The following ATG7 variants were observed in gnomAD, a reference collection of about 807,000 sequenced individuals.
ATG7 encodes autophagy related 7.
A neutral mutation model predicts 82.4 loss-of-function variants in ATG7; 70 were observed. The observed-to-expected ratio is 0.85, with a 90% CI of 0.70 to 1.04. The LOEUF is 1.04. Among genes scored for constraint, ATG7 ranks in the 50% least tolerant of loss-of-function variants. The pLI, the probability that ATG7 is intolerant of heterozygous loss-of-function variation, is 0.00. For synonymous variants in ATG7, 287 were observed against 313.0 expected (o/e 0.92, Z 0.88); for missense variants, 792 against 864.3 (o/e 0.92, Z 1.05).
At chr3:11,515,885 G>C (rs2092263256) in intron 20 of ATG7, among the ~76,000 whole-genome samples, 1 of 152,122 alleles carries the variant, frequency 6.6e-6, no homozygotes, top group South Asian at 2.1e-4. Context: ...TGTGGGGCTT[G>C]AAGCCAGCAT....
chr3:11,513,295 G>T (rs564320549), intron 20 of ATG7, among the ~76,000 whole-genome samples: 1 of 152,376 alleles, frequency 6.6e-6, no homozygotes, highest in South Asian at 2.1e-4. Context: ...GTGGAGCAGG[G>T]GGCGGTGCTC....
chr3:11,471,270 C>T (rs2087485313), intron 20 of ATG7, among the ~76,000 whole-genome samples: 1 of 152,156 alleles, frequency 6.6e-6, no homozygotes. Context: ...CAAGCTGGCC[C>T]TGGCGCTCTG....
intron 19 of ATG7, among the ~76,000 whole-genome samples, chr3:11,396,021 A>G (rs1437272856): frequency 6.6e-6 from 1 of 151,598 alleles, no homozygotes; most frequent in Non-Finnish European, 1.5e-5. Flanking sequence ...ATAGACAAGA[A>G]CAGAGTCCAC....
chr3:11,553,868 C>T (rs1559834256), intron 20 of ATG7, among the ~76,000 whole-genome samples: 1 of 152,338 alleles, frequency 6.6e-6, no homozygotes, highest in Middle Eastern at 3.4e-3. Context: ...CCCATCTCCC[C>T]GGGCCAGCCT....
At chr3:11,562,390 CCA>C (rs1043448393), downstream of ATG7, among the ~76,000 whole-genome samples, 8 of 152,140 alleles carry the variant, frequency 5.3e-5, no homozygotes, top group African/African-American at 1.9e-4. Context: ...ACATTTTCTG[CCA>C]CACAGAGGAA....
intron 20 of ATG7, among the ~76,000 whole-genome samples, chr3:11,530,277 A>G (rs2124972061): frequency 6.6e-6 from 1 of 152,302 alleles, no homozygotes; most frequent in African/African-American, 2.4e-5. Flanking sequence ...GCATGCTCTC[A>G]GAGGAAAGCA....
chr3:11,547,738 T>C (rs1415324847), intron 20 of ATG7, among the ~76,000 whole-genome samples: 1 of 152,276 alleles, frequency 6.6e-6, no homozygotes, highest in African/African-American at 2.4e-5. Flanking sequence ...TGGTAGCTTA[T>C]GGTTTTGATT....
intron 13 of ATG7, 123 bp from the exon 14 acceptor site, chr3:11,347,754 G>T: frequency 9.4e-7 from 1 of 1,058,398 alleles, no homozygotes; most frequent in Non-Finnish European, 1.3e-6. Context: ...TTCAGTTTCT[G>T]AAGTTTCTTG....
chr3:11,508,708 C>G (rs1235860992), intron 20 of ATG7, among the ~76,000 whole-genome samples: 1 of 152,212 alleles, frequency 6.6e-6, no homozygotes, highest in Non-Finnish European at 1.5e-5. Context: ...ATCTTGCTTT[C>G]CCAAAGCGCT....
At chr3:11,340,766 G>A (rs1434540685) in intron 12 of ATG7, 31 bp downstream of exon 12, 1 of 1,595,666 alleles carries the variant, frequency 6.3e-7, no homozygotes, top group Non-Finnish European at 8.6e-7. Flanking sequence ...TCTCCAGTCG[G>A]GCTTTTTGTA....
intron 20 of ATG7, among the ~76,000 whole-genome samples, chr3:11,462,740 C>T (rs1285161137): frequency 6.6e-6 from 1 of 152,106 alleles, no homozygotes; most frequent in Non-Finnish European, 1.5e-5. Flanking sequence ...CGCCACCCCC[C>T]CAGGGGCAGT....
At chr3:11,526,401 CA>C (rs919744356) in intron 20 of ATG7, among the ~76,000 whole-genome samples, 2 of 151,776 alleles carry the variant, frequency 1.3e-5, no homozygotes, top group African/African-American at 4.8e-5. Context: ...TCAAAAACAA[CA>C]AAAAAACCCC....
chr3:11,462,737 C>T (rs2086439112), intron 20 of ATG7, among the ~76,000 whole-genome samples: 1 of 152,060 alleles, frequency 6.6e-6, no homozygotes, highest in Non-Finnish European at 1.5e-5. Context: ...TCTCGCCACC[C>T]CCCCAGGGGC....
At chr3:11,529,486 T>C (rs2124967889) in intron 20 of ATG7, 1 of 153,526 alleles carries the variant, frequency 6.5e-6, no homozygotes, top group Non-Finnish European at 1.5e-5. Flanking sequence ...AATCAGGACT[T>C]AGAAATACAG....
At chr3:11,369,724 C>T (rs532104635) in intron 18 of ATG7, among the ~76,000 whole-genome samples, 3 of 151,110 alleles carry the variant, frequency 2.0e-5, no homozygotes, top group African/African-American at 2.4e-5. Context: ...ATAATGTCAG[C>T]GTTCAGAAGC....
intron 5 of ATG7, among the ~76,000 whole-genome samples, chr3:11,305,023 C>T (rs1405980715): frequency 6.6e-6 from 1 of 152,124 alleles, no homozygotes; most frequent in Non-Finnish European, 1.5e-5. Flanking sequence ...CCATACTCAC[C>T]AGCCCTAGCC....
chr3:11,544,056 T>C (rs1355160603), intron 20 of ATG7, among the ~76,000 whole-genome samples: 4 of 152,224 alleles, frequency 2.6e-5, no homozygotes. Context: ...CTTGGTTCAC[T>C]CCTTCAGGCT....
intron 20 of ATG7, among the ~76,000 whole-genome samples, chr3:11,474,770 A>T (rs1036579654): frequency 2.6e-5 from 4 of 152,194 alleles, no homozygotes; most frequent in Non-Finnish European, 4.4e-5. Flanking sequence ...AAGGAGCCAG[A>T]CATGTGAGGA....
downstream of ATG7, among the ~76,000 whole-genome samples, chr3:11,561,125 A>ACC (rs60878177): frequency 2.0e-5 from 3 of 147,090 alleles, no homozygotes; most frequent in African/African-American, 7.5e-5. Context: ...GCTCTAGGAG[A>ACC]CCCCCCCCCA....
Sources: allele counts gnomAD v4.1 joint callset (sites outside exome capture counted in the v4.1 genomes callset), GRCh38; gene constraint gnomAD v4.1.1; transcripts MANE v1.5; gene names NCBI Gene and HGNC (gene_info 2026-07-23, HGNC 2026-07-21).